The following ULK4 variants were observed in gnomAD, a reference collection of about 807,000 sequenced individuals.
ULK4 encodes inactive serine/threonine-protein kinase ULK4.
A neutral mutation model predicts 160.6 loss-of-function variants in ULK4; 133 were observed. The ratio of observed to expected loss-of-function variants is 0.83; its 90% CI spans 0.72 to 0.96. The LOEUF (loss-of-function observed/expected upper bound fraction) is 0.96. Ranked by LOEUF, ULK4 falls within the 40% of genes least tolerant of loss-of-function variation. ULK4 has a pLI of 0.00. For synonymous variants in ULK4, 534 were observed against 539.8 expected, an observed-to-expected ratio of 0.99 and a Z score of 0.15; for missense variants, 1,580 against 1,499.5, an observed-to-expected ratio of 1.05 and a Z score of -0.89.
chr3:41,279,268 A>G (rs58623625), intron 35 of ULK4, among the ~76,000 whole-genome samples: 1 of 145,356 alleles, frequency 6.9e-6, no homozygotes, highest in Non-Finnish European at 1.5e-5. Context: ...AAAAAAAAAA[A>G]AAAAAAACAA....
At chr3:41,642,555 T>C (rs2034265747) in intron 30 of ULK4, among the ~76,000 whole-genome samples, 1 of 152,206 alleles carries the variant, frequency 6.6e-6, no homozygotes, top group South Asian at 2.1e-4. Context: ...TTCCATGGTG[T>C]ATATGTGCCA....
chr3:41,457,100 T>C lies in ULK4; in HGVS notation c.3394-1505A>G, dbSNP rs369568130. Among the ~76,000 whole-genome samples the C allele has an allele frequency of 5.6e-4, 85 of 152,292 alleles. 2 individuals carry two copies. The South Asian group carries it at 0.016, about 29-fold the overall frequency. On this transcript the variant is annotated intron_variant, in intron 33 of 36. Coordinates refer to ENST00000301831, the MANE Select transcript of ULK4 (RefSeq NM_017886.4). ...AACCTTTCTGAATCTTGGCCGTTGA[T>C]CCCTTGCCCTCTGAAACATTATCTG...
chr3:41,661,260 TA>T (rs1188678129), intron 30 of ULK4, among the ~76,000 whole-genome samples: 1 of 152,176 alleles, frequency 6.6e-6, no homozygotes, highest in Admixed American at 6.5e-5. Context: ...AGAGTATGAA[TA>T]AATATGATAT....
intron 25 of ULK4, among the ~76,000 whole-genome samples, chr3:41,714,570 C>G (rs745845479): frequency 1.3e-5 from 2 of 152,084 alleles, no homozygotes; most frequent in Admixed American, 1.3e-4. Context: ...GTAACTACTA[C>G]TAGCAAGGGA....
intron 35 of ULK4, among the ~76,000 whole-genome samples, chr3:41,392,732 C>T (rs939709810): frequency 3.3e-5 from 5 of 152,122 alleles, no homozygotes; most frequent in Non-Finnish European, 5.9e-5. Context: ...TAATGAATAT[C>T]CTCTGATTAG....
intron 35 of ULK4, among the ~76,000 whole-genome samples, chr3:41,358,555 G>A (rs1174525566): frequency 6.6e-6 from 1 of 152,136 alleles, no homozygotes; most frequent in African/African-American, 2.4e-5. Context: ...AAAGGAGGAA[G>A]CTATGCAGTT....
intron 32 of ULK4, among the ~76,000 whole-genome samples, chr3:41,522,310 T>C (rs2085959445): frequency 6.6e-6 from 1 of 151,938 alleles, no homozygotes; most frequent in Non-Finnish European, 1.5e-5. Context: ...CAGCTAATTT[T>C]TGTATTTTTA....
At chr3:41,516,647 T>A (rs867308923) in intron 32 of ULK4, among the ~76,000 whole-genome samples, 1 of 125,794 alleles carries the variant, frequency 7.9e-6, no homozygotes, top group Non-Finnish European at 1.5e-5. Flanking sequence ...ATTGAACTCA[T>A]GAACATACAG....
chr3:41,314,276 A>C (rs1178794971), intron 35 of ULK4, among the ~76,000 whole-genome samples: 1 of 152,140 alleles, frequency 6.6e-6, no homozygotes, highest in African/African-American at 2.4e-5. Flanking sequence ...TGCAGTGGTA[A>C]AGTCTGGGCT....
At position 41,916,024 on chromosome 3, in the gene ULK4, A is replaced by C. The variant is rs1698955905; in HGVS notation, c.756T>G (p.Asp252Glu). The change falls in exon 8 of 37, where the codon GAT becomes GAG. Residue 252 changes from aspartate (D) to glutamate (E), a missense_variant. Transcript: ENST00000301831. ...GTAACCCATCAAGCAAATTAATAAA[A>C]TCTGAAGAAGCTTTAGGACGAGAAG... ...KDSSRPKASSDFINLLDGLLQ... is the reference protein window; with the variant it reads ...KDSSRPKASSEFINLLDGLLQ... 8.8e-6 allele frequency: 14 copies of C among 1,593,106 alleles called. No homozygotes were observed. The highest frequency in any genetic ancestry group is 1.1e-5 in the Non-Finnish European group (13 of 1,175,082).
chr3:41,653,069 CCGGG>C (rs940147995), intron 30 of ULK4, among the ~76,000 whole-genome samples: 4 of 149,546 alleles, frequency 2.7e-5, no homozygotes, highest in South Asian at 2.1e-4. Flanking sequence ...AATGCCTATC[CCGGG>C]CCCAGCTAAT....
At chr3:41,943,130 G>A (rs933161899) in intron 2 of ULK4, among the ~76,000 whole-genome samples, 10 of 150,442 alleles carry the variant, frequency 6.6e-5, no homozygotes, top group Non-Finnish European at 8.9e-5. Context: ...GCAGAATGGC[G>A]TGAACCCGGC....
intron 32 of ULK4, among the ~76,000 whole-genome samples, chr3:41,522,997 C>T (rs2085985856): frequency 6.6e-6 from 1 of 152,130 alleles, no homozygotes. Flanking sequence ...CTGTAACCTC[C>T]ACCTCCCAGG....
At chr3:41,650,158 A>C (rs1219539756) in intron 30 of ULK4, among the ~76,000 whole-genome samples, 1 of 152,118 alleles carries the variant, frequency 6.6e-6, no homozygotes, top group African/African-American at 2.4e-5. Flanking sequence ...CCTGGGAGCT[A>C]TTCTGTCACT....
intron 31 of ULK4, among the ~76,000 whole-genome samples, chr3:41,572,923 G>A (rs2088052539): frequency 6.6e-6 from 1 of 152,150 alleles, no homozygotes; most frequent in African/African-American, 2.4e-5. Flanking sequence ...CGCACTGGCT[G>A]ATGGGGAAAA....
intron 35 of ULK4, among the ~76,000 whole-genome samples, chr3:41,312,850 T>G (rs2080077759): frequency 6.6e-6 from 1 of 152,026 alleles, no homozygotes; most frequent in African/African-American, 2.4e-5. Context: ...AAAAAACTTG[T>G]GGAATGCAGT....
At chr3:41,893,898 G>T (rs1698059683) in intron 16 of ULK4, among the ~76,000 whole-genome samples, 1 of 152,134 alleles carries the variant, frequency 6.6e-6, no homozygotes, top group Admixed American at 6.5e-5. Context: ...TTTATCATAT[G>T]CTGTCAAGGT....
intron 32 of ULK4, among the ~76,000 whole-genome samples, chr3:41,496,359 T>C (rs891547841): frequency 6.6e-6 from 1 of 152,080 alleles, no homozygotes; most frequent in African/African-American, 2.4e-5. Flanking sequence ...GCAACTGTTT[T>C]TCAAATGTCA....
At chr3:41,279,435 A>G (rs766190507) in intron 35 of ULK4, among the ~76,000 whole-genome samples, 1 of 152,144 alleles carries the variant, frequency 6.6e-6, no homozygotes, top group Non-Finnish European at 1.5e-5. Flanking sequence ...GCAGGCCAAC[A>G]TTCAAATTCA....
Sources: allele counts gnomAD v4.1 joint callset (sites outside exome capture counted in the v4.1 genomes callset), GRCh38; gene constraint gnomAD v4.1.1; transcripts MANE v1.5; gene names NCBI Gene and HGNC (gene_info 2026-07-23, HGNC 2026-07-21).